Variants in TOP2B observed in about 807,000 individuals in gnomAD.
The protein encoded by TOP2B is DNA topoisomerase 2-beta.
A neutral mutation model predicts 193.5 loss-of-function variants in TOP2B; 51 were observed. The ratio of observed to expected loss-of-function variants is 0.26; its 90% confidence interval spans 0.21 to 0.33. The LOEUF (loss-of-function observed/expected upper bound fraction) is 0.33. TOP2B is among the 10% of genes least tolerant of loss of function. The pLI is 1.00. For synonymous variants in TOP2B, 634 were observed against 635.7 expected, an observed-to-expected ratio of 1.00 and a Z score of 0.04; for missense variants, 1,378 against 1,909.3, an observed-to-expected ratio of 0.72 and a Z score of 5.19.
At chr3:25,637,758 G>A (rs561374375) in intron 5 of TOP2B, among the ~76,000 whole-genome samples, 137 of 152,020 alleles carry the variant, frequency 9.0e-4, no homozygotes, top group Non-Finnish European at 1.8e-3. Context: ...GAAAATATAT[G>A]GTTTTGGTCA....
chr3:25,625,223 T>C (rs538478924), intron 18 of TOP2B, among the ~76,000 whole-genome samples: 75 of 152,268 alleles, frequency 4.9e-4, no homozygotes, highest in Non-Finnish European at 9.4e-4. Flanking sequence ...AAAACCCTTA[T>C]AAAAAGCGAT....
chr3:25,598,940 G>A (rs1389556326), intron 35 of TOP2B, among the ~76,000 whole-genome samples: 2 of 152,142 alleles, frequency 1.3e-5, no homozygotes, highest in Admixed American at 6.5e-5. Flanking sequence ...CTGAATGGAA[G>A]AGGTCAATGT....
Position 25,649,642 on chromosome 3 carries a change from T to C in TOP2B, c.70-4172A>G, listed in dbSNP as rs141462382. ...AAAAAAACACTGCCAACCAAGAACA[T>C]TGTATCCAGCAAAAGTGCCCTTCAA... On this transcript the variant is annotated intron_variant, in intron 1 of 35. Coordinates refer to ENST00000264331, the MANE Select transcript of TOP2B (RefSeq NM_001330700.2). Among the ~76,000 whole-genome samples the C allele has an allele frequency of 7.7e-4, 115 of 149,868 alleles. 2 individuals are homozygous for C. In the East Asian group the frequency reaches 0.021, roughly 28 times the overall value.
At chr3:25,614,133 A>C (rs144839524) in intron 27 of TOP2B, among the ~76,000 whole-genome samples, 1 of 152,330 alleles carries the variant, frequency 6.6e-6, no homozygotes, top group East Asian at 1.9e-4. Flanking sequence ...CTATTTCATT[A>C]ATTGTCAAAT....
chr3:25,604,794 ATCTG>A lies in TOP2B; in HGVS notation c.4451_4454del (p.Thr1484IlefsTer8). 1 of 1,613,046 alleles carries A rather than the reference ATCTG, an allele frequency of 6.2e-7. No homozygotes were observed. The highest frequency in any genetic ancestry group is 8.5e-7 in the Non-Finnish European group (1 of 1,179,390). ...CAGCTACCGTTTTACTTGGAACTTTATCTGTCTGTTTCAGACCAAATGATGGTGA... is the reference window on the plus strand; with the variant it reads ...CAGCTACCGTTTTACTTGGAACTTTATCTGTTTCAGACCAAATGATGGTGA... On this transcript the variant is annotated frameshift_variant, in exon 33 of 36. Coordinates refer to ENST00000264331, the MANE Select transcript of TOP2B (RefSeq NM_001330700.2). LOFTEE classifies it high-confidence loss of function.
At chr3:25,663,394 C>T (rs1247425150) in intron 1 of TOP2B, among the ~76,000 whole-genome samples, 2 of 152,120 alleles carry the variant, frequency 1.3e-5, no homozygotes, top group African/African-American at 4.8e-5. Context: ...AGGAAATGAC[C>T]CTGGTCTGAA....
rs376980722 is a variant in TOP2B at position 25,600,057 on chromosome 3, G to A, written c.4616-528C>T. Among the ~76,000 whole-genome samples, 5 of 152,064 alleles carry A rather than the reference G, an allele frequency of 3.3e-5. No homozygotes were observed. The East Asian group carries it at 7.7e-4, about 23-fold the overall frequency. On this transcript the variant is annotated intron_variant, in intron 34 of 35. Transcript: ENST00000264331. The stretch of plus-strand genomic sequence containing the variant: ...ACCAATTGCATATCCCACATTAAGT[G>A]GCACCATATGAGAACCACCAGTATT...
Position 25,638,150 on chromosome 3 carries a change from C to A in TOP2B, c.541+15G>T, listed in dbSNP as rs1211325972. 6.4e-7 allele frequency: 1 copy of A among 1,554,576 alleles called. No individual in the cohort carries two copies. Among genetic ancestry groups the A allele is most frequent in the Non-Finnish European group, 8.7e-7 (1 of 1,148,422 alleles). ...AAAACAGTATTTTTCAACCAAAATT[C>A]CATTCAGACTTTACCTGTAACTTTT... is the stretch of plus-strand genomic sequence containing the variant. On this transcript the variant is annotated intron_variant, in intron 5 of 35. Transcript: ENST00000264331.
rs531285869 is a variant in TOP2B at position 25,664,849 on chromosome 3, A to AGCC, written c.-555_-553dup. 3.6e-4 allele frequency: 352 copies of AGCC among 989,656 alleles called. 4 individuals carry two copies. In the East Asian group the frequency reaches 0.019, roughly 52 times the overall value. 61.3% of individuals were successfully genotyped at this position (989,656 alleles called of 1,614,324 possible). A position where few individuals can be genotyped will look rare whatever the true frequency, so the allele number is the denominator to read the frequency against. The stretch of plus-strand genomic sequence containing the variant: ...ACACACCGAGAGGGACAATAAACAG[A>AGCC]GCCGCCGCCGCCGCCGCCACGGTCA... On this transcript the variant is annotated 5_prime_UTR_variant, in exon 1 of 36. Coordinates refer to ENST00000264331, the MANE Select transcript of TOP2B (RefSeq NM_001330700.2).
chr3:25,614,982 AAGC>A (rs1357559978), intron 27 of TOP2B, among the ~76,000 whole-genome samples: 1 of 152,036 alleles, frequency 6.6e-6, no homozygotes, highest in Non-Finnish European at 1.5e-5. Context: ...AACTAATTGA[AAGC>A]AGATTTAATT....
chr3:25,615,682 A>G, intron 25 of TOP2B, 96 bp from the exon 26 acceptor site: 1 of 1,075,940 alleles, frequency 9.3e-7, no homozygotes, highest in Non-Finnish European at 1.2e-6. Context: ...TACAAGTGCT[A>G]CACTATAAAT....
chr3:25,634,691 G>A (rs1703051588), intron 7 of TOP2B, among the ~76,000 whole-genome samples: 1 of 148,598 alleles, frequency 6.7e-6, no homozygotes, highest in Non-Finnish European at 1.5e-5. Context: ...TGAGAATCTA[G>A]AGGTTTCCCC....
At chr3:25,660,610 G>T (rs1445578144) in intron 1 of TOP2B, among the ~76,000 whole-genome samples, 2 of 152,150 alleles carry the variant, frequency 1.3e-5, no homozygotes, top group Non-Finnish European at 2.9e-5. Context: ...ACTTGTGTAG[G>T]GGACAGTGAA....
intron 1 of TOP2B, among the ~76,000 whole-genome samples, chr3:25,655,645 G>A (rs1356901520): frequency 1.3e-5 from 2 of 152,190 alleles, no homozygotes; most frequent in Non-Finnish European, 2.9e-5. Context: ...GTTCACTGGT[G>A]TATGAATGGA....
At chr3:25,598,553 C>A in intron 35 of TOP2B, 76 bp from the exon 36 acceptor site, 1 of 1,170,266 alleles carries the variant, frequency 8.5e-7, no homozygotes. Flanking sequence ...ACTCCTTAAA[C>A]TTCGCTTATG....
At chr3:25,649,801 C>A (rs1314931115) in intron 1 of TOP2B, among the ~76,000 whole-genome samples, 1 of 151,938 alleles carries the variant, frequency 6.6e-6, no homozygotes, top group Non-Finnish European at 1.5e-5. Flanking sequence ...CACAGTAACA[C>A]AAAAATACAT....
At chr3:25,603,140 G>C (rs967790908) in intron 33 of TOP2B, among the ~76,000 whole-genome samples, 4 of 152,158 alleles carry the variant, frequency 2.6e-5, no homozygotes, top group Non-Finnish European at 5.9e-5. Flanking sequence ...TTTGATGAAG[G>C]AAACGGGGTA....
At chr3:25,603,026 C>T (rs1275622581) in intron 33 of TOP2B, among the ~76,000 whole-genome samples, 2 of 152,070 alleles carry the variant, frequency 1.3e-5, no homozygotes, top group Non-Finnish European at 2.9e-5. Context: ...TCAACTTAGA[C>T]AAGGCCAGTT....
At chr3:25,643,879 A>C in intron 2 of TOP2B, 95 bp from the exon 3 acceptor site, 1 of 841,806 alleles carries the variant, frequency 1.2e-6, no homozygotes, top group South Asian at 1.7e-5. Context: ...CACTATATGA[A>C]TACTTAGATC....
Sources: allele counts gnomAD v4.1 joint callset (sites outside exome capture counted in the v4.1 genomes callset), GRCh38; gene constraint gnomAD v4.1.1; transcripts MANE v1.5; gene names NCBI Gene and HGNC (gene_info 2026-07-23, HGNC 2026-07-21).